Variants in COL19A1 observed in about 807,000 individuals in gnomAD.
COL19A1 encodes the protein collagen alpha-1(XIX) chain.
A neutral mutation model predicts 190.2 loss-of-function variants in COL19A1; 159 were observed. That is an observed-to-expected ratio of 0.84 (90% CI 0.73 to 0.95). COL19A1 has a LOEUF of 0.95. COL19A1 is among the 40% of genes least tolerant of loss of function. The probability of loss-of-function intolerance (pLI) is 0.00; values close to 1 mark genes in which losing one functional copy is unlikely to be tolerated. For synonymous variants in COL19A1, 509 were observed against 458.9 expected (o/e 1.11, Z -1.39); for missense variants, 1,418 against 1,431.9 (o/e 0.99, Z 0.16).
intron 11 of COL19A1, among the ~76,000 whole-genome samples, chr6:70,000,833 A>G (rs1391562082): frequency 6.6e-6 from 1 of 152,086 alleles, no homozygotes; most frequent in African/African-American, 2.4e-5. Flanking sequence ...GTTCACTCTG[A>G]TGATAGTTTC....
chr6:70,140,816 CT>C, intron 19 of COL19A1, 137 bp from the exon 20 acceptor site: 1 of 748,250 alleles, frequency 1.3e-6, no homozygotes. Flanking sequence ...CAAAGACAGA[CT>C]GTGTGACACT....
At chr6:70,072,120 G>C (rs1781596043) in intron 15 of COL19A1, among the ~76,000 whole-genome samples, 1 of 152,124 alleles carries the variant, frequency 6.6e-6, no homozygotes, top group Non-Finnish European at 1.5e-5. Flanking sequence ...GAATATTTCA[G>C]GTAGCAGATC....
intron 14 of COL19A1, among the ~76,000 whole-genome samples, chr6:70,063,299 A>C (rs1426743436): frequency 6.6e-6 from 1 of 152,066 alleles, no homozygotes; most frequent in Non-Finnish European, 1.5e-5. Flanking sequence ...CCACAGTGCA[A>C]TCAAACTAGA....
At chr6:70,098,959 C>G (rs1048422134) in intron 15 of COL19A1, among the ~76,000 whole-genome samples, 1 of 149,948 alleles carries the variant, frequency 6.7e-6, no homozygotes, top group African/African-American at 2.5e-5. Flanking sequence ...TGGCTCACAC[C>G]TGTAATCCCA....
intron 11 of COL19A1, among the ~76,000 whole-genome samples, chr6:69,968,535 C>T (rs1045696724): frequency 6.6e-6 from 1 of 152,100 alleles, no homozygotes; most frequent in Non-Finnish European, 1.5e-5. Flanking sequence ...CTGCAAGCAA[C>T]TTTCTAAAAT....
At chr6:69,941,819 G>T (rs144189202) in intron 9 of COL19A1, among the ~76,000 whole-genome samples, 3 of 151,838 alleles carry the variant, frequency 2.0e-5, no homozygotes, top group African/African-American at 7.3e-5. Context: ...CTCCTGAGTA[G>T]TTGAGATTAC....
chr6:70,052,304 A>G (rs12206806), intron 14 of COL19A1, among the ~76,000 whole-genome samples: 50,787 of 152,024 alleles, frequency 0.33, 10,078 homozygotes, highest in Non-Finnish European at 0.44. Context: ...TTTCTACCCT[A>G]CAGGTGTAAA....
chr6:69,973,632 A>G (rs1272882914), intron 11 of COL19A1, among the ~76,000 whole-genome samples: 1 of 102,016 alleles, frequency 9.8e-6, no homozygotes, highest in African/African-American at 3.0e-5. Context: ...ATTAAGAAAA[A>G]CAGAATAGAT....
chr6:70,113,789 C>T (rs1337909664), intron 16 of COL19A1, among the ~76,000 whole-genome samples: 6 of 151,528 alleles, frequency 4.0e-5, no homozygotes, highest in African/African-American at 9.7e-5. Context: ...TATCCTTACC[C>T]CTCTCCCATT....
intron 15 of COL19A1, among the ~76,000 whole-genome samples, chr6:70,095,785 G>A (rs563246149): frequency 1.3e-5 from 2 of 152,218 alleles, no homozygotes; most frequent in African/African-American, 4.8e-5. Context: ...GAATCATAGA[G>A]TATTTGGTTT....
At chr6:70,060,680 C>T (rs763720903) in intron 14 of COL19A1, among the ~76,000 whole-genome samples, 38 of 152,134 alleles carry the variant, frequency 2.5e-4, no homozygotes, top group Middle Eastern at 3.4e-3. Context: ...TAGAAGGGAC[C>T]GTCTAGTTGC....
chr6:70,073,781 A>C (rs1311601508), intron 15 of COL19A1, among the ~76,000 whole-genome samples: 1 of 152,188 alleles, frequency 6.6e-6, no homozygotes, highest in Admixed American at 6.5e-5. Flanking sequence ...TGGTGTCATC[A>C]CTGTGGAGTA....
intron 35 of COL19A1, 52 bp from the exon 36 acceptor site, chr6:70,163,291 T>C: frequency 6.5e-7 from 1 of 1,541,866 alleles, no homozygotes; most frequent in Non-Finnish European, 8.9e-7. Flanking sequence ...TCCAATACCC[T>C]TTGGCCATTT....
intron 14 of COL19A1, among the ~76,000 whole-genome samples, chr6:70,049,485 ACTT>A (rs1780081146): frequency 6.6e-6 from 1 of 151,920 alleles, no homozygotes; most frequent in Non-Finnish European, 1.5e-5. Flanking sequence ...TTTTGGAAAA[ACTT>A]ACAGTTGGCT....
At chr6:69,979,613 C>T (rs1391900308) in intron 11 of COL19A1, among the ~76,000 whole-genome samples, 1 of 151,546 alleles carries the variant, frequency 6.6e-6, no homozygotes, top group African/African-American at 2.4e-5. Context: ...TTGCCATAAC[C>T]ATTACTTCAC....
chr6:69,956,579 C>A (rs1011456839), intron 9 of COL19A1, among the ~76,000 whole-genome samples: 1 of 152,054 alleles, frequency 6.6e-6, no homozygotes, highest in African/African-American at 2.4e-5. Flanking sequence ...ATTTCAATTT[C>A]TAAAGATTAT....
intron 14 of COL19A1, among the ~76,000 whole-genome samples, chr6:70,037,729 G>A (rs569735149): frequency 6.6e-6 from 1 of 152,124 alleles, no homozygotes; most frequent in East Asian, 1.9e-4. Context: ...ATACAATTTT[G>A]GCTTCTCAAT....
At chr6:70,113,369 C>G (rs890226198) in intron 16 of COL19A1, among the ~76,000 whole-genome samples, 2 of 152,168 alleles carry the variant, frequency 1.3e-5, no homozygotes, top group African/African-American at 4.8e-5. Context: ...TCCTCCACAA[C>G]AGAATACAAT....
chr6:70,174,430 G>A (rs1020554578), intron 41 of COL19A1, among the ~76,000 whole-genome samples: 7 of 152,210 alleles, frequency 4.6e-5, no homozygotes, highest in African/African-American at 1.7e-4. Context: ...CGTGGTGGCA[G>A]GCACCTGTAA....
Sources: gnomAD v4.1 joint callset for allele counts (sites outside exome capture counted in the v4.1 genomes callset) on GRCh38, gnomAD v4.1.1 for gene constraint, MANE v1.5 for transcripts, NCBI Gene and HGNC (gene_info 2026-07-23, HGNC 2026-07-21) for gene names.